Variants in WDFY4 observed in about 807,000 individuals in gnomAD.
WDFY4 encodes the protein WDFY family member 4.
A neutral mutation model predicts 351.9 loss-of-function variants in WDFY4; 169 were observed. The ratio of observed to expected loss-of-function variants is 0.48; its 90% CI spans 0.42 to 0.55. WDFY4 has a LOEUF of 0.55. Ranked by LOEUF, WDFY4 falls within the 20% of genes least tolerant of loss-of-function variation. The pLI is 0.00. For missense variants in WDFY4, 3,803 were observed against 3,935.6 expected, an observed-to-expected ratio of 0.97 and a Z score of 0.90; for synonymous variants, 1,622 against 1,574.6, an observed-to-expected ratio of 1.03 and a Z score of -0.71.
intron 12 of WDFY4, 143 bp from the exon 13 acceptor site, chr10:48,760,204 A>G: frequency 1.5e-6 from 1 of 684,130 alleles, no homozygotes. Context: ...ATTAGGCTCG[A>G]TGGAGTAGTT....
At position 48,731,460 on chromosome 10, in the gene WDFY4, G is replaced by A. The variant is rs765774619; in HGVS notation, c.1480G>A (p.Ala494Thr). 1.0e-5 allele frequency: 16 copies of A among 1,551,560 alleles called. No individual in the cohort carries two copies. Among genetic ancestry groups the A allele is most frequent in the South Asian group, 2.4e-5 (2 of 84,072 alleles). ...LMALQSILSI[A>T]GGDPLFTDIF... ...GGCCCTGCAGAGCATCCTCAGCATC[G>A]CTGGTGGGGACCCCCTCTTCACCGA... Residue 494 changes from alanine (A) to threonine (T), a missense_variant, in exon 9 of 62, where the codon GCT (alanine) becomes ACT (threonine). This residue lies in a region of WDFY4 where 261 missense variants were observed against 330.2 expected (regional missense o/e 0.79). Coordinates refer to ENST00000325239, the MANE Select transcript of WDFY4 (RefSeq NM_001394531.1).
chr10:48,721,851 T>C (rs75164575), intron 4 of WDFY4, among the ~76,000 whole-genome samples: 22,205 of 152,098 alleles, frequency 0.15, 1,866 homozygotes, highest in South Asian at 0.25. Flanking sequence ...CTAGAACCCA[T>C]GCTCTGAGCC....
chr10:48,709,538 CA>C (rs1178217575), intron 1 of WDFY4, among the ~76,000 whole-genome samples, 177 bp from the exon 2 acceptor site: 2 of 152,202 alleles, frequency 1.3e-5, no homozygotes, highest in Non-Finnish European at 2.9e-5. Flanking sequence ...TTGTATTAAT[CA>C]CATCTAAATC....
At chr10:48,940,801 G>A (rs1478723071) in intron 47 of WDFY4, among the ~76,000 whole-genome samples, 2 of 152,172 alleles carry the variant, frequency 1.3e-5, no homozygotes, top group Non-Finnish European at 2.9e-5. Context: ...AATCTCTGCT[G>A]AAGAGAAGAG....
intron 8 of WDFY4, 109 bp downstream of exon 8, chr10:48,729,698 C>A: frequency 7.3e-7 from 1 of 1,370,166 alleles, no homozygotes; most frequent in Non-Finnish European, 9.8e-7. Context: ...GTGCAGTAGG[C>A]TCTGATTCTG....
intron 40 of WDFY4, 131 bp from the exon 41 acceptor site, chr10:48,873,360 G>T: frequency 1.0e-6 from 1 of 991,626 alleles, no homozygotes; most frequent in Non-Finnish European, 1.5e-6. Flanking sequence ...ACATTCTGAG[G>T]GTGTAGAGAG....
chr10:48,779,234 C>T (rs574937901), intron 18 of WDFY4, among the ~76,000 whole-genome samples: 395 of 152,368 alleles, frequency 2.6e-3, no homozygotes, highest in African/African-American at 8.6e-3. Flanking sequence ...CAGCTACAGA[C>T]ATATAGGCGC....
chr10:48,875,205 A>G, intron 42 of WDFY4, 65 bp downstream of exon 42: 1 of 913,886 alleles, frequency 1.1e-6, no homozygotes, highest in Non-Finnish European at 1.5e-6. Context: ...TTAATATTTT[A>G]TTAAAGATAT....
chr10:48,957,767 C>G (rs1841669755), intron 52 of WDFY4, among the ~76,000 whole-genome samples: 1 of 152,224 alleles, frequency 6.6e-6, no homozygotes, highest in Non-Finnish European at 1.5e-5. Context: ...GCACTTATGG[C>G]AGCTCCTTCC....
chr10:48,770,893 A>G (rs1432686825), intron 13 of WDFY4, among the ~76,000 whole-genome samples: 1 of 152,254 alleles, frequency 6.6e-6, no homozygotes, highest in Non-Finnish European at 1.5e-5. Flanking sequence ...GTGCTCAGGA[A>G]AACAGCAATG....
intron 55 of WDFY4, chr10:48,967,925 C>T (rs1481109005): frequency 1.3e-5 from 2 of 152,274 alleles, no homozygotes; most frequent in Non-Finnish European, 2.9e-5. Flanking sequence ...CTGCTCTTGG[C>T]TCTGGGGACC....
At chr10:48,750,568 C>G (rs1292683134) in intron 12 of WDFY4, among the ~76,000 whole-genome samples, 1 of 152,250 alleles carries the variant, frequency 6.6e-6, no homozygotes, top group African/African-American at 2.4e-5. Context: ...TGGGCCAAAT[C>G]AGATCCCACT....
At chr10:48,876,377 A>G (rs2070009956) in intron 42 of WDFY4, among the ~76,000 whole-genome samples, 1 of 152,246 alleles carries the variant, frequency 6.6e-6, no homozygotes, top group Non-Finnish European at 1.5e-5. Flanking sequence ...TAGTTCTTAG[A>G]AGCCATATGA....
chr10:48,724,760 A>G (rs1463078700), intron 5 of WDFY4, among the ~76,000 whole-genome samples: 1 of 152,188 alleles, frequency 6.6e-6, no homozygotes, highest in Non-Finnish European at 1.5e-5. Flanking sequence ...TTGAGAGGTG[A>G]CAGAAGGATG....
intron 39 of WDFY4, among the ~76,000 whole-genome samples, chr10:48,860,208 C>T (rs1365612476): frequency 6.6e-6 from 1 of 152,088 alleles, no homozygotes; most frequent in African/African-American, 2.4e-5. Flanking sequence ...TTATGACCTT[C>T]CTTCTGCTTA....
intron 47 of WDFY4, among the ~76,000 whole-genome samples, chr10:48,917,121 G>C (rs1411106217): frequency 6.6e-6 from 1 of 152,162 alleles, no homozygotes; most frequent in Non-Finnish European, 1.5e-5. Flanking sequence ...AGATCATGTA[G>C]TCTACCTAGG....
chr10:48,889,903 C>T (rs2070622716), intron 43 of WDFY4, among the ~76,000 whole-genome samples: 1 of 152,188 alleles, frequency 6.6e-6, no homozygotes, highest in African/African-American at 2.4e-5. Context: ...CTTCCTACTC[C>T]ACATTGTCCA....
At chr10:48,819,382 C>A (rs547379890) in intron 32 of WDFY4, among the ~76,000 whole-genome samples, 5 of 152,180 alleles carry the variant, frequency 3.3e-5, no homozygotes, top group Admixed American at 3.3e-4. Flanking sequence ...CAATCAAGGC[C>A]GCACGGAGCT....
At chr10:48,969,301 G>C (rs1270322882) in intron 56 of WDFY4, 53 bp downstream of exon 56, 14 of 1,537,600 alleles carry the variant, frequency 9.1e-6, no homozygotes, top group African/African-American at 1.4e-5. Flanking sequence ...CCTTCCTCCA[G>C]CTGGAGGCAG....
Sources: gnomAD v4.1 joint callset for allele counts (sites outside exome capture counted in the v4.1 genomes callset) on GRCh38, gnomAD v4.1.1 for gene constraint, gnomAD v4.1.1 regional missense constraint, MANE v1.5 for transcripts, NCBI Gene and HGNC (gene_info 2026-07-23, HGNC 2026-07-21) for gene names.